ASAP1: variants seen among roughly 807,000 people sequenced by gnomAD.
ASAP1 encodes the protein ArfGAP with SH3 domain, ankyrin repeat and PH domain 1, also known as arf-GAP with SH3 domain, ANK repeat and PH domain-containing protein 1.
Under a neutral mutation model 145.2 loss-of-function variants are expected in ASAP1, and 43 were observed. The ratio of observed to expected loss-of-function variants is 0.30; its 90% CI spans 0.23 to 0.38. The LOEUF is 0.38. ASAP1 is among the 10% of genes least tolerant of loss of function. ASAP1 has a pLI of 1.00. For missense variants in ASAP1, 1,018 were observed against 1,355.3 expected (o/e 0.75, Z 3.91); for synonymous variants, 546 against 515.5 (o/e 1.06, Z -0.80).
chr8:130,440,167 T>C (rs1830443242), intron 1 of ASAP1, among the ~76,000 whole-genome samples: 1 of 152,134 alleles, frequency 6.6e-6, no homozygotes, highest in African/African-American at 2.4e-5. Context: ...TAAGCCACCA[T>C]CCTCTTTCCT....
At chr8:130,181,027 G>T in intron 7 of ASAP1, 147 bp from the exon 8 acceptor site, 1 of 610,966 alleles carries the variant, frequency 1.6e-6, no homozygotes, top group Admixed American at 3.6e-5. Context: ...CACTCTGGTG[G>T]GGGTCAGTGA....
At chr8:130,375,813 A>G (rs1292464296) in intron 2 of ASAP1, among the ~76,000 whole-genome samples, 1 of 152,210 alleles carries the variant, frequency 6.6e-6, no homozygotes, top group Non-Finnish European at 1.5e-5. Context: ...GAGGTTAAAT[A>G]CTAAAAAGCA....
intron 3 of ASAP1, among the ~76,000 whole-genome samples, chr8:130,354,588 C>T (rs905549552): frequency 2.6e-5 from 4 of 152,212 alleles, no homozygotes; most frequent in Admixed American, 2.0e-4. Flanking sequence ...TGCCTGCTCC[C>T]GTTTAGGGAA....
At chr8:130,337,627 T>C (rs545035656) in intron 3 of ASAP1, among the ~76,000 whole-genome samples, 2 of 152,336 alleles carry the variant, frequency 1.3e-5, no homozygotes, top group South Asian at 2.1e-4. Flanking sequence ...GTTTCTCTCC[T>C]TCCCATGAAA....
At chr8:130,270,507 A>G (rs1820523068) in intron 3 of ASAP1, among the ~76,000 whole-genome samples, 1 of 152,222 alleles carries the variant, frequency 6.6e-6, no homozygotes, top group African/African-American at 2.4e-5. Context: ...TGTAGAGACA[A>G]GTAACTTATA....
At chr8:130,082,162 T>C (rs1436601327) in intron 25 of ASAP1, among the ~76,000 whole-genome samples, 4 of 152,134 alleles carry the variant, frequency 2.6e-5, no homozygotes, top group Admixed American at 6.5e-5. Context: ...AATTCTATGA[T>C]ATTGATACAA....
intron 1 of ASAP1, among the ~76,000 whole-genome samples, chr8:130,429,962 G>A (rs754305521): frequency 6.6e-6 from 1 of 152,196 alleles, no homozygotes; most frequent in Non-Finnish European, 1.5e-5. Context: ...TGGGCAACGT[G>A]CCCCAGTAGA....
intron 5 of ASAP1, among the ~76,000 whole-genome samples, chr8:130,199,690 G>A (rs1815742941): frequency 6.6e-6 from 1 of 152,166 alleles, no homozygotes; most frequent in Admixed American, 6.5e-5. Context: ...CCTTCCAGTT[G>A]TAACACTCTT....
chr8:130,102,159 C>T (rs989192725), intron 24 of ASAP1, among the ~76,000 whole-genome samples: 7 of 152,168 alleles, frequency 4.6e-5, no homozygotes, highest in Admixed American at 4.6e-4. Flanking sequence ...TCAAAGCAGG[C>T]ATCCTTGTCT....
chr8:130,260,330 C>T (rs903481755), intron 3 of ASAP1, among the ~76,000 whole-genome samples: 1 of 152,166 alleles, frequency 6.6e-6, no homozygotes, highest in African/African-American at 2.4e-5. Context: ...CTGTGCCATT[C>T]TCTTCTCTTA....
At chr8:130,170,916 A>G (rs1813554308) in intron 9 of ASAP1, among the ~76,000 whole-genome samples, 1 of 152,068 alleles carries the variant, frequency 6.6e-6, no homozygotes, top group African/African-American at 2.4e-5. Context: ...AGGTTTTGCC[A>G]CATTGCTTGG....
At chr8:130,181,017 C>T in intron 7 of ASAP1, 137 bp from the exon 8 acceptor site, 1 of 676,386 alleles carries the variant, frequency 1.5e-6, no homozygotes, top group Non-Finnish European at 2.2e-6. Context: ...TCAATTGTAC[C>T]ACTCTGGTGG....
At chr8:130,245,125 A>C (rs1009178528) in intron 3 of ASAP1, among the ~76,000 whole-genome samples, 2 of 152,142 alleles carry the variant, frequency 1.3e-5, no homozygotes, top group Non-Finnish European at 2.9e-5. Flanking sequence ...AGATGTTATC[A>C]TGTTAGTTTC....
chr8:130,140,922 G>A (rs915052400), intron 13 of ASAP1, among the ~76,000 whole-genome samples: 1 of 152,222 alleles, frequency 6.6e-6, no homozygotes, highest in African/African-American at 2.4e-5. Context: ...CAAGGCATTT[G>A]AAGCACAGAA....
intron 27 of ASAP1, among the ~76,000 whole-genome samples, chr8:130,062,237 C>G (rs2097421161): frequency 6.6e-6 from 1 of 152,208 alleles, no homozygotes. Flanking sequence ...CTAAGGCACA[C>G]TGAGTGACTC....
chr8:130,198,758 A>C (rs1236291330), intron 5 of ASAP1, among the ~76,000 whole-genome samples: 1 of 152,148 alleles, frequency 6.6e-6, no homozygotes, highest in Non-Finnish European at 1.5e-5. Flanking sequence ...TAAGGTTTTT[A>C]CTGACTCCAA....
chr8:130,183,383 C>A (rs1814501039), intron 7 of ASAP1, among the ~76,000 whole-genome samples: 1 of 152,014 alleles, frequency 6.6e-6, no homozygotes, highest in Admixed American at 6.6e-5. Context: ...CTTTCTTGCC[C>A]AGGCTGGAGT....
chr8:130,254,224 G>A (rs1220021544), intron 3 of ASAP1, among the ~76,000 whole-genome samples: 1 of 152,150 alleles, frequency 6.6e-6, no homozygotes, highest in Admixed American at 6.5e-5. Flanking sequence ...CACTGCCAAG[G>A]ATTCCAGTGG....
At chr8:130,175,055 G>A (rs761782887) in intron 9 of ASAP1, among the ~76,000 whole-genome samples, 3 of 152,082 alleles carry the variant, frequency 2.0e-5, no homozygotes, top group Admixed American at 6.6e-5. Context: ...ATTCCTACTG[G>A]CAATGCATAG....
Sources: allele counts gnomAD v4.1 joint callset (sites outside exome capture counted in the v4.1 genomes callset), GRCh38; gene constraint gnomAD v4.1.1; transcripts MANE v1.5; gene names NCBI Gene and HGNC (gene_info 2026-07-23, HGNC 2026-07-21).